LDB2: variants seen among roughly 807,000 people sequenced by gnomAD.
LDB2 encodes the protein LIM domain binding 2, also known as LIM domain-binding protein 2.
Under a neutral mutation model 44.3 loss-of-function variants are expected in LDB2, and 12 were observed. The observed-to-expected ratio is 0.27, with a 90% confidence interval of 0.17 to 0.44. LDB2 has a LOEUF of 0.44. Ranked by LOEUF, LDB2 falls within the 20% of genes least tolerant of loss-of-function variation. The pLI is 1.00. For missense variants in LDB2, 344 were observed against 473.5 expected (o/e 0.73, Z 2.54); for synonymous variants, 164 against 174.8 (o/e 0.94, Z 0.49).
chr4:16,816,951 C>A (rs187455059), intron 1 of LDB2, among the ~76,000 whole-genome samples: 1 of 152,210 alleles, frequency 6.6e-6, no homozygotes, highest in East Asian at 1.9e-4. Context: ...ATGTCATCTG[C>A]GCCCTGTACT....
chr4:16,513,039 C>T (rs1213506939), intron 5 of LDB2, among the ~76,000 whole-genome samples: 1 of 152,164 alleles, frequency 6.6e-6, no homozygotes, highest in Admixed American at 6.6e-5. Context: ...CGGCCATGCA[C>T]CTTCTTCTGT....
intron 1 of LDB2, among the ~76,000 whole-genome samples, chr4:16,880,809 CAGG>C (rs1301850701): frequency 6.7e-6 from 1 of 148,930 alleles, no homozygotes; most frequent in East Asian, 2.0e-4. Context: ...GAGGCTGAGG[CAGG>C]AGAATAGTGT....
chr4:16,617,686 C>T (rs1308186903), intron 2 of LDB2, among the ~76,000 whole-genome samples: 3 of 152,148 alleles, frequency 2.0e-5, no homozygotes, highest in African/African-American at 7.2e-5. Flanking sequence ...TTAGATCCTG[C>T]ACTGTGTCCA....
At chr4:16,605,693 CT>C (rs963494117) in intron 2 of LDB2, among the ~76,000 whole-genome samples, 34 of 152,330 alleles carry the variant, frequency 2.2e-4, no homozygotes, top group African/African-American at 7.9e-4. Flanking sequence ...GGAAATCCCA[CT>C]TCCAGACAGG....
intron 2 of LDB2, among the ~76,000 whole-genome samples, chr4:16,693,519 C>A (rs1233898232): frequency 6.6e-6 from 1 of 152,092 alleles, no homozygotes; most frequent in Non-Finnish European, 1.5e-5. Context: ...CCACATCCGG[C>A]CAATTTTTGT....
At chr4:16,766,009 G>A (rs1298056810) in intron 1 of LDB2, among the ~76,000 whole-genome samples, 1 of 152,054 alleles carries the variant, frequency 6.6e-6, no homozygotes, top group Non-Finnish European at 1.5e-5. Flanking sequence ...TAAAAATAGA[G>A]AACAAAAGAG....
intron 2 of LDB2, among the ~76,000 whole-genome samples, chr4:16,600,755 G>A (rs1156960732): frequency 6.6e-6 from 1 of 152,102 alleles, no homozygotes; most frequent in African/African-American, 2.4e-5. Context: ...GGGTGACGGT[G>A]TGGTGGAGGC....
intron 2 of LDB2, among the ~76,000 whole-genome samples, chr4:16,643,006 T>C (rs1735628881): frequency 6.6e-6 from 1 of 152,208 alleles, no homozygotes; most frequent in Non-Finnish European, 1.5e-5. Flanking sequence ...CACCTTAACC[T>C]CCATGTATGA....
At chr4:16,583,641 C>T (rs1253079648) in intron 5 of LDB2, among the ~76,000 whole-genome samples, 1 of 152,202 alleles carries the variant, frequency 6.6e-6, no homozygotes, top group African/African-American at 2.4e-5. Flanking sequence ...GTCTGTCATT[C>T]TCAGTGACCT....
intron 2 of LDB2, among the ~76,000 whole-genome samples, chr4:16,604,529 T>TTA (rs149252192): frequency 0.019 from 2,799 of 148,542 alleles, 78 homozygotes; most frequent in African/African-American, 0.063. Flanking sequence ...ATATATATAT[T>TTA]TATATATATA....
At chr4:16,709,262 T>C (rs545347346) in intron 2 of LDB2, among the ~76,000 whole-genome samples, 11 of 152,334 alleles carry the variant, frequency 7.2e-5, no homozygotes, top group African/African-American at 2.4e-4. Flanking sequence ...GAAATGGTGA[T>C]AACACAAAAA....
intron 5 of LDB2, among the ~76,000 whole-genome samples, chr4:16,571,763 C>G (rs1746610049): frequency 1.3e-5 from 2 of 152,152 alleles, no homozygotes; most frequent in South Asian, 4.1e-4. Flanking sequence ...GTTCACTGCC[C>G]TTTCTTCTCC....
intron 2 of LDB2, among the ~76,000 whole-genome samples, chr4:16,734,340 GA>G (rs1445736010): frequency 6.6e-6 from 1 of 152,122 alleles, no homozygotes; most frequent in Non-Finnish European, 1.5e-5. Flanking sequence ...ATGAGAGAAC[GA>G]ATAAATGAAT....
At chr4:16,598,847 T>C (rs569754452) in intron 2 of LDB2, among the ~76,000 whole-genome samples, 10 of 150,450 alleles carry the variant, frequency 6.6e-5, no homozygotes, top group Non-Finnish European at 1.5e-4. Context: ...GTCTCACTTA[T>C]GCGAGGTGCG....
Position 16,872,800 on chromosome 4 carries a change from A to C in LDB2, c.132+25554T>G, listed in dbSNP as rs555402636. ...AAAAGATTTCACAGCCATGACTATT[A>C]ATTAACTTTCAGTATGTTTTAGCAA... On this transcript the variant is annotated intron_variant, in intron 1 of 7. Coordinates refer to ENST00000304523, the MANE Select transcript of LDB2 (RefSeq NM_001290.5). Among the ~76,000 whole-genome samples, 3 of 152,362 alleles carry C rather than the reference A, an allele frequency of 2.0e-5. No homozygotes were observed. The South Asian group carries it at 6.2e-4, about 32-fold the overall frequency.
At chr4:16,856,133 T>G (rs1789308498) in intron 1 of LDB2, among the ~76,000 whole-genome samples, 1 of 152,158 alleles carries the variant, frequency 6.6e-6, no homozygotes, top group African/African-American at 2.4e-5. Flanking sequence ...GAAACTAATA[T>G]GAAAATCCAT....
chr4:16,818,133 G>C (rs1174936656), intron 1 of LDB2, among the ~76,000 whole-genome samples: 4 of 152,066 alleles, frequency 2.6e-5, no homozygotes, highest in Admixed American at 1.3e-4. Context: ...CCCTCAAAGG[G>C]GATAACTGGA....
chr4:16,739,844 A>G (rs1265743689), intron 2 of LDB2, among the ~76,000 whole-genome samples: 1 of 149,356 alleles, frequency 6.7e-6, no homozygotes, highest in Non-Finnish European at 1.5e-5. Context: ...ATATAAAAAT[A>G]TCAGTTCATT....
intron 1 of LDB2, among the ~76,000 whole-genome samples, chr4:16,814,333 C>A (rs1251407110): frequency 6.6e-6 from 1 of 152,278 alleles, no homozygotes; most frequent in East Asian, 1.9e-4. Flanking sequence ...AATAGCAGAA[C>A]CTAGATTCAG....
Sources: allele counts gnomAD v4.1 joint callset (sites outside exome capture counted in the v4.1 genomes callset), GRCh38; gene constraint gnomAD v4.1.1; transcripts MANE v1.5; gene names NCBI Gene and HGNC (gene_info 2026-07-23, HGNC 2026-07-21).